DEK: variants seen among roughly 807,000 people sequenced by gnomAD.
The protein encoded by DEK is protein DEK.
A neutral mutation model predicts 46.8 loss-of-function variants in DEK; 28 were observed. The ratio of observed to expected loss-of-function variants is 0.60; its 90% CI spans 0.44 to 0.82. The LOEUF is 0.82. Among genes scored for constraint, DEK ranks in the 40% least tolerant of loss-of-function variants. The pLI, the probability that DEK is intolerant of heterozygous loss-of-function variation, is 0.00. For synonymous variants in DEK, 160 were observed against 144.5 expected, an observed-to-expected ratio of 1.11 and a Z score of -0.77; for missense variants, 416 against 430.6, an observed-to-expected ratio of 0.97 and a Z score of 0.30.
At chr6:18,262,094 C>T (rs1056845460) in intron 2 of DEK, among the ~76,000 whole-genome samples, 1 of 152,052 alleles carries the variant, frequency 6.6e-6, no homozygotes, top group Admixed American at 6.6e-5. Context: ...GAGCATGGCA[C>T]CTCCCTCTAC....
chr6:18,233,287 A>G (rs1380462167), intron 9 of DEK, among the ~76,000 whole-genome samples: 1 of 152,180 alleles, frequency 6.6e-6, no homozygotes, highest in African/African-American at 2.4e-5. Flanking sequence ...GGACATAGGC[A>G]TGGGCAAGGA....
At chr6:18,229,177 GA>G in intron 9 of DEK, among the ~76,000 whole-genome samples, 1 of 152,340 alleles carries the variant, frequency 6.6e-6, no homozygotes, top group African/African-American at 2.4e-5. Context: ...TGAGGGTCCT[GA>G]CTGTTAGAAG....
At chr6:18,251,378 G>A (rs1791367522) in intron 6 of DEK, among the ~76,000 whole-genome samples, 1 of 152,098 alleles carries the variant, frequency 6.6e-6, no homozygotes, top group South Asian at 2.1e-4. Context: ...CCAGTCTAGG[G>A]GTCACTGTCA....
intron 7 of DEK, among the ~76,000 whole-genome samples, chr6:18,244,089 A>G (rs1276667716): frequency 6.6e-6 from 1 of 152,260 alleles, no homozygotes; most frequent in Non-Finnish European, 1.5e-5. Context: ...AAATACTCAC[A>G]ATGGTTAACA....
chr6:18,261,051 G>C (rs1791839892), intron 2 of DEK, among the ~76,000 whole-genome samples: 2 of 151,872 alleles, frequency 1.3e-5, no homozygotes, highest in Admixed American at 1.3e-4. Context: ...GGGGAAATGG[G>C]GGGTGGACCC....
intron 7 of DEK, among the ~76,000 whole-genome samples, chr6:18,242,134 C>G (rs1196125962): frequency 6.6e-6 from 1 of 152,170 alleles, no homozygotes; most frequent in Non-Finnish European, 1.5e-5. Context: ...GGTGGCTCAA[C>G]CCCGTAATCC....
chr6:18,225,758 C>CTTT (rs2151074745), intron 10 of DEK, 28 bp from the exon 11 acceptor site: 1 of 1,612,168 alleles, frequency 6.2e-7, no homozygotes, highest in South Asian at 1.1e-5. Flanking sequence ...CATTATTTTG[C>CTTT]CATAAATCAT....
intron 4 of DEK, 71 bp from the exon 5 acceptor site, chr6:18,256,526 T>G: frequency 7.6e-7 from 1 of 1,320,690 alleles, no homozygotes; most frequent in South Asian, 1.3e-5. Context: ...TCAAAGCCAA[T>G]TCAAAGTCAA....
intron 5 of DEK, among the ~76,000 whole-genome samples, 194 bp downstream of exon 5, chr6:18,256,167 A>G (rs2151092701): frequency 6.6e-6 from 1 of 151,982 alleles, no homozygotes; most frequent in Non-Finnish European, 1.5e-5. Flanking sequence ...TTGTATCTTT[A>G]GTGGAGACGG....
intron 6 of DEK, among the ~76,000 whole-genome samples, chr6:18,252,289 C>G (rs992981606): frequency 6.6e-6 from 1 of 151,982 alleles, no homozygotes; most frequent in Non-Finnish European, 1.5e-5. Context: ...GTGAGAGGAT[C>G]ACATGAGCTC....
chr6:18,254,097 G>A (rs1383389576), intron 6 of DEK, among the ~76,000 whole-genome samples: 3 of 152,304 alleles, frequency 2.0e-5, no homozygotes, highest in Admixed American at 6.5e-5. Context: ...CTGGGAGGCC[G>A]AGGCGGTCAG....
At chr6:18,261,238 T>A (rs376564572) in intron 2 of DEK, among the ~76,000 whole-genome samples, 32 of 152,194 alleles carry the variant, frequency 2.1e-4, no homozygotes, top group Non-Finnish European at 2.2e-4. Flanking sequence ...TAAAAGGAGA[T>A]AATTTTGGAG....
At position 18,237,486 on chromosome 6, in the gene DEK, G is replaced by A; in HGVS notation, c.793C>T (p.Pro265Ser). The change falls in exon 8 of 11, where the codon CCT becomes TCT. Residue 265 changes from proline (P) to serine (S), a missense_variant. Pro to Ser is a moderately conservative substitution (Grantham distance 74). Transcript: ENST00000652689. ...CTTTTAGAAGTAGCTTTCTGTTTAG[G>A]TTTTTCTCTTTTGGCTGTCTTTTTT... The part of the protein sequence containing the change: ...PPKKTAKREK[P>S]KQKATSKSKK... 1 of 1,601,126 alleles carries A rather than the reference G, an allele frequency of 6.2e-7. No homozygotes were observed. Among genetic ancestry groups the A allele is most frequent in the Non-Finnish European group, 8.5e-7 (1 of 1,176,212 alleles).
At chr6:18,234,201 C>T (rs1275158255) in intron 9 of DEK, among the ~76,000 whole-genome samples, 7 of 21,792 alleles carry the variant, frequency 3.2e-4, no homozygotes, top group East Asian at 3.2e-3. Flanking sequence ...GTGGGGGGGA[C>T]GGGGGAGGGA....
At chr6:18,260,985 CAAAAAAAA>C (rs780634683) in intron 2 of DEK, among the ~76,000 whole-genome samples, 1 of 78,028 alleles carries the variant, frequency 1.3e-5, no homozygotes, top group Admixed American at 1.5e-4. Context: ...ACCTTGTCTC[CAAAAAAAA>C]AAAAAAAAAA....
intron 6 of DEK, among the ~76,000 whole-genome samples, chr6:18,250,366 G>A (rs557538332): frequency 1.6e-4 from 25 of 152,104 alleles, no homozygotes; most frequent in African/African-American, 6.0e-4. Context: ...CTACTCGGGA[G>A]GCTGAGGCAG....
intron 9 of DEK, among the ~76,000 whole-genome samples, chr6:18,231,000 A>G (rs1659589874): frequency 6.7e-6 from 1 of 149,836 alleles, no homozygotes; most frequent in Non-Finnish European, 1.5e-5. Context: ...CAGCAAATGT[A>G]AAATTTTAAC....
chr6:18,226,066 C>A, intron 10 of DEK, 108 bp downstream of exon 10: 1 of 952,030 alleles, frequency 1.1e-6, no homozygotes, highest in Non-Finnish European at 1.5e-6. Flanking sequence ...ATGTGAGGAT[C>A]AAATGTGATA....
chr6:18,264,129 C>T (rs956466352), intron 1 of DEK, 133 bp from the exon 2 acceptor site: 5 of 764,268 alleles, frequency 6.5e-6, no homozygotes, highest in Admixed American at 3.8e-5. Flanking sequence ...TAGCCGGGAC[C>T]GCAGCGCTCA....
Sources: gnomAD v4.1 joint callset for allele counts (sites outside exome capture counted in the v4.1 genomes callset) on GRCh38, gnomAD v4.1.1 for gene constraint, MANE v1.5 for transcripts, NCBI Gene and HGNC (gene_info 2026-07-23, HGNC 2026-07-21) for gene names.